Variants in FMN2 observed in about 807,000 individuals in gnomAD.
FMN2 encodes the protein formin-2.
FMN2 carries 51 observed loss-of-function variants against 142.3 expected under a neutral mutation model. The observed-to-expected ratio is 0.36, with a 90% CI of 0.29 to 0.45. The LOEUF is 0.45. FMN2 is among the 20% of genes least tolerant of loss of function. FMN2 has a pLI of 1.00. For synonymous variants in FMN2, 882 were observed against 869.8 expected (o/e 1.01, Z -0.25); for missense variants, 1,936 against 2,122.8 (o/e 0.91, Z 1.73).
chr1:240,472,391 G>A lies in FMN2; in HGVS notation c.5080G>A (p.Val1694Met), dbSNP rs771949450. 11 of 1,612,438 alleles carry A rather than the reference G, an allele frequency of 6.8e-6. No individual in the cohort carries two copies. Among genetic ancestry groups the A allele is most frequent in the Admixed American group, 1.7e-5 (1 of 59,744 alleles). The change falls in exon 17 of 18, where the codon GTG becomes ATG. Residue 1694 changes from valine to methionine, a missense_variant. Physicochemically the swap from Val to Met is conservative, Grantham distance 21. Around this residue, in one of 8 missense-constraint regions of FMN2, gnomAD observed 322 missense variants for 401.6 expected, o/e 0.80. Transcript: ENST00000319653. ...LQERVKEAEE[V>M]CRQKKGKSLY... is the part of the protein sequence containing the mutation. ...CATCAGAGTAAAAGAAGCCGAAGAG[G>A]TGTGTAGACAGAAGAAAGGAAAATC...
chr1:240,376,537 T>C (rs752438769), intron 14 of FMN2, among the ~76,000 whole-genome samples: 31 of 152,146 alleles, frequency 2.0e-4, no homozygotes, highest in Non-Finnish European at 4.1e-4. Context: ...TTCGTACCTA[T>C]AGAATGTGTA....
At chr1:240,153,576 G>A (rs1663878625) in intron 2 of FMN2, among the ~76,000 whole-genome samples, 1 of 151,820 alleles carries the variant, frequency 6.6e-6, no homozygotes, top group African/African-American at 2.4e-5. Flanking sequence ...TGTTGTCCAG[G>A]CTGGCCTTGA....
intron 6 of FMN2, among the ~76,000 whole-genome samples, chr1:240,232,400 A>G (rs1391306462): frequency 6.6e-6 from 1 of 151,970 alleles, no homozygotes; most frequent in Non-Finnish European, 1.5e-5. Context: ...TCTTTTTCTT[A>G]ATTTGAAATT....
intron 14 of FMN2, among the ~76,000 whole-genome samples, chr1:240,380,342 T>A (rs1158350144): frequency 6.6e-6 from 1 of 152,066 alleles, no homozygotes; most frequent in African/African-American, 2.4e-5. Flanking sequence ...CTCAAAAAAC[T>A]ACACAAGCAT....
chr1:240,232,053 G>C (rs756596782), intron 6 of FMN2, among the ~76,000 whole-genome samples: 2 of 151,836 alleles, frequency 1.3e-5, no homozygotes, highest in Non-Finnish European at 2.9e-5. Flanking sequence ...TCTTCCATTT[G>C]CTCATTCTTT....
intron 15 of FMN2, among the ~76,000 whole-genome samples, chr1:240,393,944 T>C (rs1210986020): frequency 6.6e-6 from 1 of 152,102 alleles, no homozygotes; most frequent in East Asian, 2.0e-4. Flanking sequence ...AAGGCTTTAA[T>C]TGGGTGCTGC....
In FMN2 at chr1:240,208,476, G is replaced by C. The variant is rs1666538428; in HGVS notation, c.3664G>C (p.Ala1222Pro). The change falls in exon 5 of 18, where the codon GCT becomes CCT. Residue 1222 changes from alanine to proline, a missense_variant. Around this residue, in one of 8 missense-constraint regions of FMN2, gnomAD observed 259 missense variants for 230.9 expected, o/e 1.12. Transcript: ENST00000319653. ...AGGTATGGGGATTCCACCTGCTCCAGCTCCCCCACTCCCTCCACCTGGGAC... is the reference window on the plus strand; with the variant it reads ...AGGTATGGGGATTCCACCTGCTCCACCTCCCCCACTCCCTCCACCTGGGAC... ...LPGMGIPPAPAPPLPPPGTGI... is the reference protein window; with the variant it reads ...LPGMGIPPAPPPPLPPPGTGI... 6.2e-7 allele frequency: 1 copy of C among 1,606,728 alleles called. No homozygotes were observed. Among genetic ancestry groups the C allele is most frequent in the Non-Finnish European group, 8.5e-7 (1 of 1,177,544 alleles).
chr1:240,275,084 T>G (rs1255234815), intron 7 of FMN2, among the ~76,000 whole-genome samples: 1 of 147,732 alleles, frequency 6.8e-6, no homozygotes, highest in Non-Finnish European at 1.5e-5. Flanking sequence ...TTTTAAGTTT[T>G]TTTTTTTTTT....
Position 240,091,951 on chromosome 1 carries a change from A to C in FMN2, c.-159A>C. On this transcript the variant is annotated 5_prime_UTR_variant, in exon 1 of 18. Coordinates refer to ENST00000319653, the MANE Select transcript of FMN2 (RefSeq NM_020066.5). ...ATTATGCAAAGCGGCGGCAGATGCGAGCGGGGCCAGCCGGGCGCGCGTCGG... is the reference window on the plus strand; with the variant it reads ...ATTATGCAAAGCGGCGGCAGATGCGCGCGGGGCCAGCCGGGCGCGCGTCGG... The C allele has an allele frequency of 7.2e-6, 9 of 1,245,704 alleles. No homozygotes were observed. Among genetic ancestry groups the C allele is most frequent in the Non-Finnish European group, 9.4e-6 (9 of 958,932 alleles). The allele number at this position is 1,245,704 out of a possible 1,614,324, so 77.2% of individuals were successfully genotyped here.
At chr1:240,119,620 A>G (rs1325125497) in intron 1 of FMN2, among the ~76,000 whole-genome samples, 4 of 152,166 alleles carry the variant, frequency 2.6e-5, no homozygotes, top group African/African-American at 9.7e-5. Flanking sequence ...CTACCGCTAA[A>G]CACGGAAATA....
intron 1 of FMN2, among the ~76,000 whole-genome samples, chr1:240,122,244 C>T (rs573983726): frequency 1.4e-5 from 2 of 147,180 alleles, no homozygotes. Context: ...CCCACCACCA[C>T]GGCTGGTTAT....
chr1:240,224,245 A>G (rs986161104), intron 6 of FMN2, among the ~76,000 whole-genome samples: 3 of 152,148 alleles, frequency 2.0e-5, no homozygotes, highest in Non-Finnish European at 2.9e-5. Flanking sequence ...TTATTTACCC[A>G]GTAGTCGTTC....
At chr1:240,376,941 A>AATG (rs1253389713) in intron 14 of FMN2, among the ~76,000 whole-genome samples, 3 of 152,174 alleles carry the variant, frequency 2.0e-5, no homozygotes, top group Non-Finnish European at 4.4e-5. Flanking sequence ...AGAACTCTAC[A>AATG]ACAGTATACT....
chr1:240,328,961 AAT>A, intron 8 of FMN2, 113 bp from the exon 9 acceptor site: 3 of 861,432 alleles, frequency 3.5e-6, no homozygotes, highest in Non-Finnish European at 5.4e-6. Flanking sequence ...GAAACATGAA[AAT>A]ATATAGCGTT....
At chr1:240,391,977 A>C (rs572737484) in intron 14 of FMN2, among the ~76,000 whole-genome samples, 1 of 152,208 alleles carries the variant, frequency 6.6e-6, no homozygotes, top group Non-Finnish European at 1.5e-5. Context: ...AATGATAGCA[A>C]GTAAATGGGT....
chr1:240,429,843 T>C (rs1207207940), intron 15 of FMN2, among the ~76,000 whole-genome samples: 1 of 152,114 alleles, frequency 6.6e-6, no homozygotes, highest in African/African-American at 2.4e-5. Flanking sequence ...GGGGTTATTA[T>C]TAGCAGGGCT....
chr1:240,242,046 C>A (rs1667927707), intron 6 of FMN2, among the ~76,000 whole-genome samples: 1 of 151,878 alleles, frequency 6.6e-6, no homozygotes, highest in African/African-American at 2.4e-5. Flanking sequence ...GGGGTTTCAC[C>A]GTGTTAGCCA....
intron 16 of FMN2, among the ~76,000 whole-genome samples, chr1:240,451,089 T>C (rs1676021669): frequency 6.6e-6 from 1 of 152,264 alleles, no homozygotes; most frequent in South Asian, 2.1e-4. Flanking sequence ...TTGTCTTGGC[T>C]GGGCGCAGTG....
chr1:240,325,325 ACGG>A (rs1467931559), intron 8 of FMN2, among the ~76,000 whole-genome samples: 5 of 135,236 alleles, frequency 3.7e-5, no homozygotes, highest in African/African-American at 1.5e-4. Context: ...CCTGGGTGAC[ACGG>A]TGAGACCCTG....
Sources: allele counts gnomAD v4.1 joint callset (sites outside exome capture counted in the v4.1 genomes callset), GRCh38; gene constraint gnomAD v4.1.1; regional missense constraint gnomAD v4.1.1; transcripts MANE v1.5; gene names NCBI Gene and HGNC (gene_info 2026-07-23, HGNC 2026-07-21).